DNM3: variants seen among roughly 807,000 people sequenced by gnomAD.
The protein encoded by DNM3 is dynamin-3.
DNM3 carries 47 observed loss-of-function variants against 101.6 expected under a neutral mutation model. That is an observed-to-expected ratio of 0.46 (90% confidence interval 0.37 to 0.59). The LOEUF (loss-of-function observed/expected upper bound fraction) is 0.59, where lower values mean the gene tolerates loss of function less well. Among genes scored for constraint, DNM3 ranks in the 20% least tolerant of loss-of-function variants. The probability of loss-of-function intolerance (pLI) is 0.00; values close to 1 mark genes in which losing one functional copy is unlikely to be tolerated. For synonymous variants in DNM3, 385 were observed against 387.9 expected, an observed-to-expected ratio of 0.99 and a Z score of 0.09; for missense variants, 849 against 1,085.7, an observed-to-expected ratio of 0.78 and a Z score of 3.06.
At chr1:172,061,833 A>C (rs980889307) in intron 10 of DNM3, among the ~76,000 whole-genome samples, 46 of 152,110 alleles carry the variant, frequency 3.0e-4, no homozygotes, top group Non-Finnish European at 5.9e-4. Context: ...ATGTACCCTA[A>C]AACTTAAAGT....
In DNM3 at chr1:172,046,618, C is replaced by T. The variant is rs573024276; in HGVS notation, c.1197-1994C>T. ...TTTAGACAATCTGCTCCACAAATCT[C>T]AAATAGTATGGGCAGATACGAGTTT... On this transcript the variant is annotated intron_variant, in intron 9 of 20. Coordinates refer to ENST00000627582, the MANE Select transcript of DNM3 (RefSeq NM_015569.5). Among the ~76,000 whole-genome samples, 14 of 151,928 alleles carry T rather than the reference C, an allele frequency of 9.2e-5. No homozygotes were observed. In the South Asian group the frequency reaches 2.5e-3, roughly 27 times the overall value.
At chr1:172,214,544 G>A (rs16844090) in intron 14 of DNM3, among the ~76,000 whole-genome samples, 27,853 of 151,836 alleles carry the variant, frequency 0.18, 3,421 homozygotes, top group African/African-American at 0.36. Flanking sequence ...ATTGGCATAC[G>A]GTGAATATAT....
chr1:171,971,417 T>A (rs752872684), intron 2 of DNM3, among the ~76,000 whole-genome samples: 4 of 152,162 alleles, frequency 2.6e-5, no homozygotes, highest in Non-Finnish European at 5.9e-5. Flanking sequence ...ATTAAGCTGC[T>A]TATCTTGAAA....
intron 18 of DNM3, among the ~76,000 whole-genome samples, chr1:172,381,242 T>C (rs887404365): frequency 6.6e-6 from 1 of 151,968 alleles, no homozygotes; most frequent in South Asian, 2.1e-4. Context: ...AGACCTCACA[T>C]AAGAGTCGTG....
intron 4 of DNM3, among the ~76,000 whole-genome samples, chr1:171,993,308 T>A (rs867022692): frequency 3.9e-5 from 6 of 152,152 alleles, no homozygotes; most frequent in Admixed American, 6.5e-5. Flanking sequence ...CTCTTGGTTT[T>A]TGTTTATCTT....
chr1:172,293,968 G>A (rs1216042979), intron 15 of DNM3, among the ~76,000 whole-genome samples: 2 of 152,166 alleles, frequency 1.3e-5, no homozygotes, highest in Non-Finnish European at 2.9e-5. Context: ...AGCTGGCCAC[G>A]CGCTCCCATG....
At chr1:171,901,128 A>AG in intron 1 of DNM3, among the ~76,000 whole-genome samples, 1 of 148,812 alleles carries the variant, frequency 6.7e-6, no homozygotes, top group African/African-American at 2.5e-5. Context: ...AAAAAAAAAA[A>AG]AAAGAAAGAA....
chr1:172,036,413 A>G (rs2048970196), intron 6 of DNM3, among the ~76,000 whole-genome samples: 1 of 151,910 alleles, frequency 6.6e-6, no homozygotes, highest in South Asian at 2.1e-4. Context: ...GGCTACAGTA[A>G]CCAAAACAGC....
chr1:172,058,361 G>A (rs1045999960), intron 10 of DNM3, among the ~76,000 whole-genome samples: 3 of 150,678 alleles, frequency 2.0e-5, no homozygotes, highest in Non-Finnish European at 4.4e-5. Flanking sequence ...GACATCTACA[G>A]AACTCTCCAC....
chr1:172,369,156 GAAGGATGCAAGAA>G (rs879398767), intron 17 of DNM3, among the ~76,000 whole-genome samples: 8 of 151,638 alleles, frequency 5.3e-5, no homozygotes, highest in Admixed American at 3.3e-4. Context: ...CCAAACCAGA[GAAGGATGCAAGAA>G]AAAAAAGAAA....
In DNM3 at chr1:172,006,809, T is replaced by C. The variant is rs140445756; in HGVS notation, c.589+17661T>C. Among the ~76,000 whole-genome samples, 528 of 152,222 alleles carry C rather than the reference T, an allele frequency of 3.5e-3. 5 individuals carry two copies. The highest frequency in any genetic ancestry group is 0.012 in the African/African-American group (505 of 41,562). On this transcript the variant is annotated intron_variant, in intron 4 of 20. Transcript: ENST00000627582. ...CTTGTGTCACTTGCCAGTCAGTGTC[T>C]ATTCTAGTATCCAACTCCTGGCTCC...
intron 4 of DNM3, among the ~76,000 whole-genome samples, chr1:172,012,347 A>G (rs781515032): frequency 2.6e-5 from 4 of 152,088 alleles, no homozygotes; most frequent in Non-Finnish European, 5.9e-5. Context: ...AGTGGCACAT[A>G]TCACATCTCA....
chr1:172,010,734 C>T (rs375012626), intron 4 of DNM3, among the ~76,000 whole-genome samples: 39 of 124,596 alleles, frequency 3.1e-4, no homozygotes, highest in African/African-American at 1.1e-3. Flanking sequence ...AGCTGATGTT[C>T]TTTGAGCTTT....
chr1:171,980,149 T>G lies in DNM3; in HGVS notation c.236-7507T>G, dbSNP rs564553074. 1.6e-4 allele frequency among the ~76,000 whole-genome samples: 18 copies of G among 114,036 alleles called. No individual in the cohort carries two copies. The East Asian group carries it at 3.2e-3, about 20-fold the overall frequency. 74.8% of individuals were successfully genotyped at this position (114,036 alleles called of 152,430 possible). A position where few individuals can be genotyped will look rare whatever the true frequency, so the allele number is the denominator to read the frequency against. On this transcript the variant is annotated intron_variant, in intron 2 of 20. Coordinates refer to ENST00000627582, the MANE Select transcript of DNM3 (RefSeq NM_015569.5). ...GGTTAATTGTTTTCTTCTTTAGATT[T>G]CCTTTTTTTTTTTTTTGATTGCTAG...
At chr1:172,218,182 A>C (rs1174704039) in intron 14 of DNM3, among the ~76,000 whole-genome samples, 2 of 152,166 alleles carry the variant, frequency 1.3e-5, no homozygotes, top group Admixed American at 6.5e-5. Context: ...GAACAGTCAA[A>C]TAGGAAGAGA....
intron 20 of DNM3, among the ~76,000 whole-genome samples, chr1:172,397,453 G>A (rs973250304): frequency 1.3e-5 from 2 of 152,142 alleles, no homozygotes; most frequent in African/African-American, 2.4e-5. Context: ...GGACTAAGAT[G>A]AATGGACCAG....
intron 11 of DNM3, among the ~76,000 whole-genome samples, chr1:172,070,082 T>C (rs955749507): frequency 3.3e-5 from 5 of 152,174 alleles, no homozygotes; most frequent in African/African-American, 1.2e-4. Flanking sequence ...CTGCTTGAGC[T>C]GTGGATTCAT....
intron 1 of DNM3, among the ~76,000 whole-genome samples, chr1:171,911,965 C>T (rs1340376964): frequency 1.3e-5 from 2 of 152,066 alleles, no homozygotes; most frequent in Non-Finnish European, 2.9e-5. Flanking sequence ...GGTACCAGGC[C>T]TTAGGGCTAC....
chr1:172,154,909 A>T (rs2058279936), intron 14 of DNM3, among the ~76,000 whole-genome samples: 1 of 152,046 alleles, frequency 6.6e-6, no homozygotes, highest in Non-Finnish European at 1.5e-5. Flanking sequence ...GTTTAAGATC[A>T]CCCCTTTTAA....
Sources: gnomAD v4.1 joint callset for allele counts (sites outside exome capture counted in the v4.1 genomes callset) on GRCh38, gnomAD v4.1.1 for gene constraint, MANE v1.5 for transcripts, NCBI Gene and HGNC (gene_info 2026-07-23, HGNC 2026-07-21) for gene names.